IRAG2: variants seen among roughly 807,000 people sequenced by gnomAD.
IRAG2 encodes lymphoid restricted membrane protein.
Under a neutral mutation model 69.9 loss-of-function variants are expected in IRAG2, and 45 were observed. The observed-to-expected ratio is 0.64, with a 90% CI of 0.51 to 0.83. The LOEUF (loss-of-function observed/expected upper bound fraction) is 0.83, where lower values mean the gene tolerates loss of function less well. Among genes scored for constraint, IRAG2 ranks in the 40% least tolerant of loss-of-function variants. The pLI is 0.00. For missense variants in IRAG2, 520 were observed against 587.0 expected (o/e 0.89, Z 1.18); for synonymous variants, 193 against 202.4 (o/e 0.95, Z 0.40).
chr12:25,060,668 C>CTTTTT (rs753591747), intron 1 of IRAG2, among the ~76,000 whole-genome samples: 8 of 99,278 alleles, frequency 8.1e-5, no homozygotes, highest in Admixed American at 1.2e-4. Flanking sequence ...AATGTATTTT[C>CTTTTT]TTTTTTTTTT....
At chr12:25,052,326 C>T (rs923443592), upstream of IRAG2, 3 of 396,526 alleles carry the variant, frequency 7.6e-6, no homozygotes, top group African/African-American at 4.2e-5. Flanking sequence ...AACCAGCCAA[C>T]GGCTGGAGGA....
chr12:25,002,522 A>G (rs780235005), upstream of IRAG2, among the ~76,000 whole-genome samples: 1 of 152,252 alleles, frequency 6.6e-6, no homozygotes, highest in Non-Finnish European at 1.5e-5. Context: ...GTGTGTTACA[A>G]TTATAAATCC....
intron 2 of IRAG2, among the ~76,000 whole-genome samples, chr12:25,007,280 A>T (rs1591921399): frequency 6.6e-6 from 1 of 152,348 alleles, no homozygotes; most frequent in East Asian, 1.9e-4. Context: ...CTAATTTAAA[A>T]CACAACTACA....
At chr12:24,999,849 A>G (rs982353215), upstream of IRAG2, among the ~76,000 whole-genome samples, 2 of 152,002 alleles carry the variant, frequency 1.3e-5, no homozygotes, top group Non-Finnish European at 2.9e-5. Context: ...ACAGCCAGTG[A>G]AATTTGAATT....
intron 2 of IRAG2, chr12:25,011,255 C>T: frequency 5.4e-6 from 5 of 924,562 alleles, no homozygotes; most frequent in Non-Finnish European, 7.1e-6. Flanking sequence ...CGCAGGACTG[C>T]CAGGGTTATA....
At chr12:25,037,950 T>G (rs950276652) in intron 15 of IRAG2, 1 of 398,578 alleles carries the variant, frequency 2.5e-6, no homozygotes, top group African/African-American at 2.1e-5. Context: ...AGTACTGGGG[T>G]TTGTTTTGTG....
intron 16 of IRAG2, among the ~76,000 whole-genome samples, chr12:25,042,242 C>A (rs1944756419): frequency 6.6e-6 from 1 of 151,066 alleles, no homozygotes; most frequent in African/African-American, 2.4e-5. Context: ...GGCTTTTGAT[C>A]TGAAAACCAG....
chr12:25,017,013 A>T, intron 5 of IRAG2: 1 of 617,918 alleles, frequency 1.6e-6, no homozygotes, highest in Non-Finnish European at 2.3e-6. Context: ...AGATGAGGGT[A>T]AAGTTAAAAA....
intron 16 of IRAG2, among the ~76,000 whole-genome samples, chr12:25,046,508 A>G (rs908122591): frequency 2.0e-5 from 3 of 152,206 alleles, no homozygotes; most frequent in Non-Finnish European, 4.4e-5. Context: ...ATGACACAAA[A>G]TCAACATACC....
chr12:25,106,694 TCTAA>T (rs199570574), intron 20 of IRAG2, among the ~76,000 whole-genome samples: 3,232 of 150,762 alleles, frequency 0.021, 52 homozygotes, highest in Non-Finnish European at 0.033. Context: ...TGGCTAATAT[TCTAA>T]CTAACTTTCT....
Position 25,090,065 on chromosome 12 carries a change from T to A in IRAG2, c.474T>A (p.Phe158Leu). 1 of 1,613,478 alleles carries A rather than the reference T, an allele frequency of 6.2e-7. No individual in the cohort carries two copies. Among genetic ancestry groups the A allele is most frequent in the African/African-American group, 1.3e-5 (1 of 75,010 alleles). Reference sequence around the variant, plus strand: ...CATTATTTTGACAACAGGCAGAATTTCTCAGATTATCTTTGGGATTTAAGT... The same window carrying A: ...CATTATTTTGACAACAGGCAGAATTACTCAGATTATCTTTGGGATTTAAGT... ...SANEKEVEAE[F>L]LRLSLGFKCD... Residue 158 changes from phenylalanine to leucine, a missense_variant, in exon 14 of 22, where the codon TTT (phenylalanine) becomes TTA (leucine). Coordinates refer to ENST00000556887, the MANE Select transcript of IRAG2 (RefSeq NM_001366544.2).
At chr12:25,080,058 T>G (rs1947091845) in intron 9 of IRAG2, among the ~76,000 whole-genome samples, 1 of 149,974 alleles carries the variant, frequency 6.7e-6, no homozygotes, top group Non-Finnish European at 1.5e-5. Flanking sequence ...TTGACTGGAA[T>G]TTACTGGGTT....
At chr12:25,000,489 G>T (rs1399723088), upstream of IRAG2, among the ~76,000 whole-genome samples, 1 of 152,076 alleles carries the variant, frequency 6.6e-6, no homozygotes, top group African/African-American at 2.4e-5. Context: ...ACTGAGCCAG[G>T]TGTGGTAATC....
At chr12:25,094,634 C>A (rs1003694711) in intron 14 of IRAG2, among the ~76,000 whole-genome samples, 3 of 152,120 alleles carry the variant, frequency 2.0e-5, no homozygotes, top group Admixed American at 6.5e-5. Flanking sequence ...GATAGAGATG[C>A]CCTTGAATCT....
chr12:25,070,997 G>T (rs1435535629), intron 6 of IRAG2, among the ~76,000 whole-genome samples: 1 of 151,986 alleles, frequency 6.6e-6, no homozygotes, highest in African/African-American at 2.4e-5. Context: ...TTTCACTATT[G>T]AATTGTACAA....
chr12:25,066,812 G>T (rs750254776), intron 5 of IRAG2, among the ~76,000 whole-genome samples: 1 of 151,932 alleles, frequency 6.6e-6, no homozygotes, highest in African/African-American at 2.4e-5. Context: ...ACCATGCCCA[G>T]CTAGTTTTTG....
At chr12:25,077,645 G>T (rs1337101612) in intron 6 of IRAG2, among the ~76,000 whole-genome samples, 1 of 151,848 alleles carries the variant, frequency 6.6e-6, no homozygotes, top group Non-Finnish European at 1.5e-5. Flanking sequence ...TGGCCTACGG[G>T]CTTCTTCAGG....
intron 2 of IRAG2, among the ~76,000 whole-genome samples, chr12:25,006,908 G>T (rs1944437324): frequency 6.6e-6 from 1 of 152,092 alleles, no homozygotes; most frequent in Non-Finnish European, 1.5e-5. Context: ...GTATATAAAT[G>T]ATTCATGCTC....
intron 15 of IRAG2, among the ~76,000 whole-genome samples, chr12:25,100,328 G>A (rs1167896867): frequency 1.3e-5 from 2 of 152,118 alleles, no homozygotes; most frequent in Non-Finnish European, 2.9e-5. Flanking sequence ...GTGGAAAACA[G>A]TTTGGTGGAT....
Sources: allele counts gnomAD v4.1 joint callset (sites outside exome capture counted in the v4.1 genomes callset), GRCh38; gene constraint gnomAD v4.1.1; transcripts MANE v1.5; gene names NCBI Gene and HGNC (gene_info 2026-07-23, HGNC 2026-07-21).